Variants in USP37 observed in about 807,000 individuals in gnomAD.
USP37 encodes the protein ubiquitin carboxyl-terminal hydrolase 37.
In USP37, 27 loss-of-function variants were observed where a neutral mutation model predicts 124.0. The ratio of observed to expected loss-of-function variants is 0.22; its 90% CI spans 0.16 to 0.30. The LOEUF (loss-of-function observed/expected upper bound fraction) is 0.30, where lower values mean the gene tolerates loss of function less well. USP37 is among the 10% of genes least tolerant of loss of function. The pLI, the probability that USP37 is intolerant of heterozygous loss-of-function variation, is 1.00. For missense variants in USP37, 889 were observed against 1,140.4 expected (o/e 0.78, Z 3.17); for synonymous variants, 365 against 388.0 (o/e 0.94, Z 0.70).
chr2:218,543,864 C>T (rs183458655), intron 8 of USP37, among the ~76,000 whole-genome samples: 1 of 151,968 alleles, frequency 6.6e-6, no homozygotes, highest in African/African-American at 2.4e-5. Flanking sequence ...GTGCCAAGAA[C>T]CTAGAATCAA....
rs1689460219 is a variant in USP37 at position 218,450,910 on chromosome 2, AACTT to A, written c.*4016_*4019del. 2 of 152,220 alleles carry A rather than the reference AACTT, an allele frequency of 1.3e-5. No homozygotes were observed. The highest frequency in any genetic ancestry group is 6.5e-5 in the Admixed American group (1 of 15,272). The allele number at this position is 152,220 out of a possible 1,614,324, so 9.4% of individuals were successfully genotyped here. Reference sequence around the variant, plus strand: ...TCAGACATATAGCACACATGGAGACAACTTACTAATTGTGTGTAAGTATGATACA... The same window carrying A: ...TCAGACATATAGCACACATGGAGACAACTAATTGTGTGTAAGTATGATACA... On this transcript the variant is annotated 3_prime_UTR_variant, in exon 26 of 26. Coordinates refer to ENST00000258399, the MANE Select transcript of USP37 (RefSeq NM_020935.3).
intron 20 of USP37, among the ~76,000 whole-genome samples, chr2:218,473,836 G>A (rs1690819055): frequency 6.6e-6 from 1 of 152,168 alleles, no homozygotes. Context: ...AAATTGCATG[G>A]TTAAGTGATT....
intron 8 of USP37, among the ~76,000 whole-genome samples, chr2:218,536,478 C>T (rs143367569): frequency 1.3e-5 from 2 of 152,318 alleles, no homozygotes; most frequent in Non-Finnish European, 2.9e-5. Flanking sequence ...GAGTCACAAA[C>T]AAGGCCGGGC....
chr2:218,516,882 A>G (rs906623960), intron 10 of USP37, among the ~76,000 whole-genome samples: 4 of 152,210 alleles, frequency 2.6e-5, no homozygotes, highest in African/African-American at 9.6e-5. Flanking sequence ...GAATTTACAT[A>G]TATAAAACCT....
At chr2:218,544,430 T>TATATATATAGAGAGAG (rs377397246) in intron 8 of USP37, among the ~76,000 whole-genome samples, 6 of 50,822 alleles carry the variant, frequency 1.2e-4, no homozygotes, top group African/African-American at 5.3e-4. Context: ...TATATATATA[T>TATATATATAGAGAGAG]AGAGAGAGAG....
intron 10 of USP37, 131 bp downstream of exon 10, chr2:218,529,825 T>C (rs1428394568): frequency 1.5e-6 from 1 of 657,214 alleles, no homozygotes; most frequent in Non-Finnish European, 2.5e-6. Context: ...GTCAGGATTC[T>C]ATGAGTCTCG....
At chr2:218,552,939 AAAC>A (rs1261880951) in intron 5 of USP37, among the ~76,000 whole-genome samples, 2 of 151,116 alleles carry the variant, frequency 1.3e-5, no homozygotes, top group African/African-American at 4.9e-5. Context: ...ACAAACAAAC[AAAC>A]AAATAAATAA....
intron 10 of USP37, among the ~76,000 whole-genome samples, chr2:218,518,924 T>C (rs1690442713): frequency 6.6e-6 from 1 of 152,252 alleles, no homozygotes; most frequent in African/African-American, 2.4e-5. Flanking sequence ...ATGACATTCA[T>C]TTGGCAAGGT....
chr2:218,544,406 AAT>A (rs1198499526), intron 8 of USP37, among the ~76,000 whole-genome samples: 57 of 82,956 alleles, frequency 6.9e-4, no homozygotes, highest in South Asian at 2.0e-3. Flanking sequence ...AAAAAAAAAA[AAT>A]ATATATATAT....
chr2:218,476,867 G>A lies in USP37; in HGVS notation c.2016C>T (p.Asn672=), dbSNP rs763153772. 8.7e-6 allele frequency: 14 copies of A among 1,601,342 alleles called. No homozygotes were observed. The highest frequency in any genetic ancestry group is 1.4e-5 in the African/African-American group (1 of 73,986). ...TTTCCAGGTCTTCCTGCTGCTGTTCGTTGCCTAACATTTCACAAAGTCTCT... is the reference window on the plus strand; with the variant it reads ...TTTCCAGGTCTTCCTGCTGCTGTTCATTGCCTAACATTTCACAAAGTCTCT... ...LSQRLCEMLG[N]EQQQEDLEKD... Residue 672 remains asparagine (N), a synonymous_variant, in exon 19 of 26, where the codon AAC becomes AAT. Coordinates refer to ENST00000258399, the MANE Select transcript of USP37 (RefSeq NM_020935.3).
intron 10 of USP37, among the ~76,000 whole-genome samples, chr2:218,524,645 T>C (rs1480272451): frequency 6.6e-6 from 1 of 152,216 alleles, no homozygotes; most frequent in African/African-American, 2.4e-5. Flanking sequence ...AGTCTCGCGC[T>C]GTCACCCAGA....
At position 218,474,817 on chromosome 2, in the gene USP37, G is replaced by A. The variant is rs1439471462; in HGVS notation, c.2112C>T (p.Ser704=). The A allele has an allele frequency of 2.0e-5, 32 of 1,613,882 alleles. No individual in the cohort carries two copies. The highest frequency in any genetic ancestry group is 2.5e-5 in the Non-Finnish European group (29 of 1,180,018). The change falls in exon 20 of 26, where the codon AGC becomes AGT. Residue 704 remains serine (S), a synonymous_variant. Transcript: ENST00000258399. The stretch of plus-strand genomic sequence containing the variant: ...AGACAGCTGCTAGAAGCTCTTCTTC[G>A]CTCATTCTGTCAAATCCTGAGTTTT... The part of the protein sequence containing the change: ...ELENSGFDRM[S]EEELLAAVLE...
At chr2:218,507,304 T>G (rs10168237) in intron 11 of USP37, among the ~76,000 whole-genome samples, 2,562 of 151,870 alleles carry the variant, frequency 0.017, 80 homozygotes, top group African/African-American at 0.058. Context: ...ATTACAAGCT[T>G]GTGCCACCAT....
At chr2:218,503,242 G>A (rs1319705966) in intron 11 of USP37, among the ~76,000 whole-genome samples, 1 of 152,192 alleles carries the variant, frequency 6.6e-6, no homozygotes, top group African/African-American at 2.4e-5. Flanking sequence ...CTTAAAACAG[G>A]AAATCATGTG....
chr2:218,523,181 T>C (rs1690763217), intron 10 of USP37, among the ~76,000 whole-genome samples: 1 of 152,056 alleles, frequency 6.6e-6, no homozygotes. Context: ...GAGAATCGCT[T>C]GAACCCGGGA....
At chr2:218,508,477 T>C (rs1300762183) in intron 11 of USP37, among the ~76,000 whole-genome samples, 1 of 151,960 alleles carries the variant, frequency 6.6e-6, no homozygotes, top group Admixed American at 6.6e-5. Flanking sequence ...CAAAAGAATC[T>C]GAAGGAGGTG....
chr2:218,567,044 C>G (rs1693644555), intron 1 of USP37, among the ~76,000 whole-genome samples: 1 of 151,870 alleles, frequency 6.6e-6, no homozygotes, highest in African/African-American at 2.4e-5. Flanking sequence ...GAGCTGAAAA[C>G]AAAGGGAATA....
chr2:218,557,507 T>C (rs1260321895), intron 4 of USP37, among the ~76,000 whole-genome samples: 1 of 151,842 alleles, frequency 6.6e-6, no homozygotes, highest in African/African-American at 2.4e-5. Flanking sequence ...AATCTATTTT[T>C]ACAATTCAAA....
chr2:218,493,084 GCAGT>G (rs370752620), intron 14 of USP37, among the ~76,000 whole-genome samples: 179 of 151,878 alleles, frequency 1.2e-3, no homozygotes, highest in African/African-American at 4.1e-3. Flanking sequence ...TAATTAAAAA[GCAGT>G]CAGTTTAAAC....
Sources: gnomAD v4.1 joint callset for allele counts (sites outside exome capture counted in the v4.1 genomes callset) on GRCh38, gnomAD v4.1.1 for gene constraint, MANE v1.5 for transcripts, NCBI Gene and HGNC (gene_info 2026-07-23, HGNC 2026-07-21) for gene names.